TRPS1: variants seen among roughly 807,000 people sequenced by gnomAD.
The protein encoded by TRPS1 is zinc finger transcription factor Trps1.
A neutral mutation model predicts 101.2 loss-of-function variants in TRPS1; 6 were observed. The ratio of observed to expected loss-of-function variants is 0.06; its 90% CI spans 0.03 to 0.12. The LOEUF is 0.12. Among genes scored for constraint, TRPS1 ranks in the 10% least tolerant of loss-of-function variants. The probability of loss-of-function intolerance (pLI) is 1.00; values close to 1 mark genes in which losing one functional copy is unlikely to be tolerated. For missense variants in TRPS1, 1,363 were observed against 1,567.0 expected (o/e 0.87, Z 2.20); for synonymous variants, 578 against 589.8 (o/e 0.98, Z 0.29).
intron 2 of TRPS1, among the ~76,000 whole-genome samples, chr8:115,620,389 T>C (rs1216445512): frequency 6.6e-6 from 1 of 152,098 alleles, no homozygotes; most frequent in Non-Finnish European, 1.5e-5. Context: ...AATTTCTTCC[T>C]TTGATTGTAG....
chr8:115,456,568 G>A (rs1181872491), intron 5 of TRPS1, among the ~76,000 whole-genome samples: 3 of 152,198 alleles, frequency 2.0e-5, no homozygotes, highest in African/African-American at 7.2e-5. Flanking sequence ...TAGAAATTAA[G>A]TGAATTTAAC....
intron 5 of TRPS1, among the ~76,000 whole-genome samples, chr8:115,504,943 G>A (rs943424213): frequency 7.2e-5 from 11 of 151,990 alleles, no homozygotes; most frequent in African/African-American, 2.7e-4. Flanking sequence ...CTGTGGAAAG[G>A]GCTTTGGCTG....
intron 4 of TRPS1, among the ~76,000 whole-genome samples, chr8:115,599,070 T>C (rs948191975): frequency 6.6e-6 from 1 of 152,212 alleles, no homozygotes; most frequent in African/African-American, 2.4e-5. Flanking sequence ...CTCTCTATTC[T>C]GTACATTTTC....
chr8:115,638,786 A>C (rs1818828482), intron 1 of TRPS1, among the ~76,000 whole-genome samples: 1 of 152,180 alleles, frequency 6.6e-6, no homozygotes, highest in Admixed American at 6.5e-5. Flanking sequence ...TCCCACAGTA[A>C]TATGTATAAT....
rs1490071897 is a variant in TRPS1 at position 115,598,559 on chromosome 8, T to TC, written c.2096+5313dup. Among the ~76,000 whole-genome samples, 4 of 152,266 alleles carry TC rather than the reference T, an allele frequency of 2.6e-5. No individual in the cohort carries two copies. The East Asian group carries it at 7.7e-4, about 29-fold the overall frequency. The stretch of plus-strand genomic sequence containing the variant: ...AAACTTCTGGGTTCAAGCCTTGGCC[T>TC]CCCACATGCTGGGATTTCAGGTGTG... On this transcript the variant is annotated intron_variant, in intron 4 of 6. Coordinates refer to ENST00000395715, the MANE Select transcript of TRPS1 (RefSeq NM_014112.5).
At chr8:115,463,605 T>C (rs1814244571) in intron 5 of TRPS1, among the ~76,000 whole-genome samples, 1 of 152,156 alleles carries the variant, frequency 6.6e-6, no homozygotes, top group Non-Finnish European at 1.5e-5. Context: ...CCGGTCAACA[T>C]GGAAACCCTC....
At chr8:115,602,942 C>T (rs192186254) in intron 4 of TRPS1, among the ~76,000 whole-genome samples, 1 of 152,250 alleles carries the variant, frequency 6.6e-6, no homozygotes, top group Admixed American at 6.5e-5. Flanking sequence ...GTTATGTTAT[C>T]ATTATATTCA....
chr8:115,500,513 C>T (rs999161929), intron 5 of TRPS1, among the ~76,000 whole-genome samples: 4 of 152,158 alleles, frequency 2.6e-5, no homozygotes, highest in Non-Finnish European at 4.4e-5. Flanking sequence ...ACAACTGTAC[C>T]TTCAGAAAAT....
intron 5 of TRPS1, among the ~76,000 whole-genome samples, chr8:115,542,792 G>A (rs1276289896): frequency 6.6e-6 from 1 of 152,028 alleles, no homozygotes; most frequent in Non-Finnish European, 1.5e-5. Flanking sequence ...AAGATGAAAC[G>A]GGTTATATAA....
intron 5 of TRPS1, among the ~76,000 whole-genome samples, chr8:115,458,780 G>A (rs932612666): frequency 1.3e-5 from 2 of 152,178 alleles, no homozygotes; most frequent in Non-Finnish European, 2.9e-5. Flanking sequence ...CGTGTTCATA[G>A]AGAAGGCTCA....
rs770216886 is a variant in TRPS1 at position 115,414,902 on chromosome 8, A to G, written c.3006T>C (p.Thr1002=). 11 of 1,611,332 alleles carry G rather than the reference A, an allele frequency of 6.8e-6. No individual in the cohort carries two copies. The highest frequency in any genetic ancestry group is 9.3e-6 in the Non-Finnish European group (11 of 1,178,484). The change falls in exon 7 of 7, where the codon ACT becomes ACC. Residue 1002 remains threonine, a synonymous_variant. Transcript: ENST00000395715. This position sits in a 1 kb window ranked among gnomAD's most constrained non-coding sequence, Gnocchi z 4.8. The part of the protein sequence containing the change: ...PLERRSEDHL[T]ESHQREIPLP... Reference sequence around the variant, plus strand: ...GTGGAATTTCTCTCTGGTGACTTTCAGTTAGATGATCTTCTGACCTCCTCT... The same window carrying G: ...GTGGAATTTCTCTCTGGTGACTTTCGGTTAGATGATCTTCTGACCTCCTCT...
chr8:115,492,004 C>T (rs1815034825), intron 5 of TRPS1, among the ~76,000 whole-genome samples: 1 of 151,920 alleles, frequency 6.6e-6, no homozygotes, highest in Non-Finnish European at 1.5e-5. Context: ...CCCAGGAGGA[C>T]TTGATGATTA....
intron 1 of TRPS1, among the ~76,000 whole-genome samples, chr8:115,646,113 T>C (rs1479286562): frequency 1.3e-5 from 2 of 152,168 alleles, no homozygotes; most frequent in Non-Finnish European, 2.9e-5. Context: ...TTACAAAGAT[T>C]AGAAACAGAA....
intron 4 of TRPS1, among the ~76,000 whole-genome samples, chr8:115,602,458 A>G (rs991310731): frequency 1.3e-5 from 2 of 152,208 alleles, no homozygotes; most frequent in Non-Finnish European, 1.5e-5. Flanking sequence ...GTGTGAACAC[A>G]TATTTGATGC....
At chr8:115,578,494 C>G (rs1018533020) in intron 5 of TRPS1, among the ~76,000 whole-genome samples, 1 of 151,894 alleles carries the variant, frequency 6.6e-6, no homozygotes, top group African/African-American at 2.4e-5. Flanking sequence ...TTGGAAGTAG[C>G]CTAATTGTTC....
At chr8:115,549,372 T>C (rs921474477) in intron 5 of TRPS1, among the ~76,000 whole-genome samples, 1 of 152,208 alleles carries the variant, frequency 6.6e-6, no homozygotes, top group Non-Finnish European at 1.5e-5. Flanking sequence ...ATGTTTCCAA[T>C]ATGACAGGTC....
At chr8:115,453,584 CT>C (rs1813936717) in intron 5 of TRPS1, among the ~76,000 whole-genome samples, 1 of 152,158 alleles carries the variant, frequency 6.6e-6, no homozygotes, top group African/African-American at 2.4e-5. Context: ...TGAAAACAAG[CT>C]CAAAATGTGA....
intron 5 of TRPS1, among the ~76,000 whole-genome samples, chr8:115,504,737 T>C (rs1171858885): frequency 6.6e-6 from 1 of 152,212 alleles, no homozygotes; most frequent in Admixed American, 6.5e-5. Flanking sequence ...GGCATATTTA[T>C]TCTGAAATCC....
chr8:115,535,886 A>G (rs1178967551), intron 5 of TRPS1, among the ~76,000 whole-genome samples: 1 of 151,956 alleles, frequency 6.6e-6, no homozygotes, highest in African/African-American at 2.4e-5. Context: ...GCAGAGCATT[A>G]TAATATGAAT....
Sources: gnomAD v4.1 joint callset for allele counts (sites outside exome capture counted in the v4.1 genomes callset) on GRCh38, gnomAD v4.1.1 for gene constraint, Gnocchi (gnomAD v3.1) non-coding constraint, MANE v1.5 for transcripts, NCBI Gene and HGNC (gene_info 2026-07-23, HGNC 2026-07-21) for gene names.